Variants in ACOXL observed in about 807,000 individuals in gnomAD.
The protein encoded by ACOXL is acyl-CoA oxidase like, also known as acyl-coenzyme A oxidase-like protein.
In ACOXL, 70 loss-of-function variants were observed where a neutral mutation model predicts 71.9. That is an observed-to-expected ratio of 0.97 (90% CI 0.80 to 1.19). The LOEUF (loss-of-function observed/expected upper bound fraction) is 1.19, where lower values mean the gene tolerates loss of function less well. ACOXL is among the 50% of genes most tolerant of loss of function. The pLI, the probability that ACOXL is intolerant of heterozygous loss-of-function variation, is 0.00. For synonymous variants in ACOXL, 253 were observed against 281.6 expected, an observed-to-expected ratio of 0.90 and a Z score of 1.02; for missense variants, 703 against 736.3, an observed-to-expected ratio of 0.95 and a Z score of 0.52.
At chr2:110,802,600 C>A (rs1175259125) in intron 8 of ACOXL, among the ~76,000 whole-genome samples, 1 of 152,072 alleles carries the variant, frequency 6.6e-6, no homozygotes, top group Admixed American at 6.5e-5. Flanking sequence ...ATTGGTATGA[C>A]AAACCCCCAT....
intron 10 of ACOXL, among the ~76,000 whole-genome samples, chr2:110,847,720 C>T (rs977561233): frequency 6.6e-6 from 1 of 152,184 alleles, no homozygotes; most frequent in Non-Finnish European, 1.5e-5. Flanking sequence ...AGTCACCGGC[C>T]CCGTAAGAGG....
chr2:110,773,918 A>G (rs1682310275), intron 2 of ACOXL, among the ~76,000 whole-genome samples: 1 of 152,288 alleles, frequency 6.6e-6, no homozygotes, highest in South Asian at 2.1e-4. Flanking sequence ...GTCATCTGTG[A>G]TAGCCACAGG....
chr2:110,952,003 C>T (rs970903084), intron 12 of ACOXL, among the ~76,000 whole-genome samples: 5 of 152,138 alleles, frequency 3.3e-5, no homozygotes, highest in African/African-American at 9.7e-5. Flanking sequence ...CATTAAATGA[C>T]TTGAGGGTGT....
chr2:110,980,567 G>A (rs1013774774), intron 12 of ACOXL, among the ~76,000 whole-genome samples: 2 of 152,318 alleles, frequency 1.3e-5, no homozygotes, highest in East Asian at 3.9e-4. Flanking sequence ...TGGGCCTGTG[G>A]GCTCTGCTTC....
intron 2 of ACOXL, among the ~76,000 whole-genome samples, chr2:110,774,209 A>G (rs774948416): frequency 5.3e-5 from 8 of 152,114 alleles, no homozygotes; most frequent in African/African-American, 1.7e-4. Context: ...TGAGCCAGGC[A>G]TTGCTCAAGG....
At chr2:110,916,152 TA>T (rs2059851186) in intron 11 of ACOXL, among the ~76,000 whole-genome samples, 1 of 152,094 alleles carries the variant, frequency 6.6e-6, no homozygotes, top group African/African-American at 2.4e-5. Context: ...GTGTTAATAA[TA>T]TTTCCTTATT....
intron 12 of ACOXL, among the ~76,000 whole-genome samples, chr2:110,978,651 G>A (rs1387753418): frequency 1.3e-5 from 2 of 152,150 alleles, no homozygotes; most frequent in Non-Finnish European, 2.9e-5. Flanking sequence ...ATAGTTTAGA[G>A]TTGAACAAGA....
intron 3 of ACOXL, among the ~76,000 whole-genome samples, chr2:110,792,714 G>A (rs971725104): frequency 4.6e-5 from 7 of 152,150 alleles, no homozygotes; most frequent in Non-Finnish European, 8.8e-5. Flanking sequence ...CAGGAGGATC[G>A]CTTGAGCCTG....
At chr2:111,106,228 G>A (rs1271032665) in intron 17 of ACOXL, among the ~76,000 whole-genome samples, 2 of 151,930 alleles carry the variant, frequency 1.3e-5, no homozygotes, top group Non-Finnish European at 2.9e-5. Context: ...GTCTATTATT[G>A]AGGTTCAGTA....
At chr2:110,977,099 T>C (rs950231741) in intron 12 of ACOXL, among the ~76,000 whole-genome samples, 6 of 152,142 alleles carry the variant, frequency 3.9e-5, no homozygotes, top group African/African-American at 1.4e-4. Context: ...AAAAATATTC[T>C]CTCCCGGCTG....
At chr2:110,871,820 G>A (rs1448328835) in intron 10 of ACOXL, among the ~76,000 whole-genome samples, 1 of 152,114 alleles carries the variant, frequency 6.6e-6, no homozygotes, top group East Asian at 1.9e-4. Flanking sequence ...AGTGACCTGG[G>A]AGCAAGGGGA....
chr2:110,753,355 A>G (rs983362856), intron 1 of ACOXL, among the ~76,000 whole-genome samples: 4 of 152,172 alleles, frequency 2.6e-5, no homozygotes, highest in Admixed American at 6.5e-5. Flanking sequence ...ATGTTCCTCT[A>G]TAGCAATGCA....
chr2:110,798,770 C>T (rs1685589632), intron 6 of ACOXL, 46 bp downstream of exon 6: 2 of 1,546,462 alleles, frequency 1.3e-6, no homozygotes, highest in Non-Finnish European at 8.9e-7. Flanking sequence ...TTCATTAGTA[C>T]TATTTACCAG....
chr2:110,798,781 T>C (rs1279307781), intron 6 of ACOXL, 57 bp downstream of exon 6: 2 of 1,503,564 alleles, frequency 1.3e-6, no homozygotes, highest in African/African-American at 2.8e-5. Context: ...TATTTACCAG[T>C]GAAAAACCAT....
At chr2:111,079,103 T>G (rs1369436071) in intron 16 of ACOXL, among the ~76,000 whole-genome samples, 1 of 152,238 alleles carries the variant, frequency 6.6e-6, no homozygotes, top group Non-Finnish European at 1.5e-5. Flanking sequence ...TTTTATAAAT[T>G]TATGGAGTAC....
At chr2:110,814,523 A>G (rs1383507848) in intron 9 of ACOXL, among the ~76,000 whole-genome samples, 1 of 152,176 alleles carries the variant, frequency 6.6e-6, no homozygotes, top group Non-Finnish European at 1.5e-5. Context: ...TTCCTTAGAT[A>G]AATTTTAAAA....
At chr2:110,921,268 A>G (rs1005195438) in intron 11 of ACOXL, among the ~76,000 whole-genome samples, 12 of 146,760 alleles carry the variant, frequency 8.2e-5, no homozygotes, top group African/African-American at 2.8e-4. Context: ...TATGTGATTG[A>G]TTTTCTCTAT....
intron 10 of ACOXL, among the ~76,000 whole-genome samples, chr2:110,865,486 G>A (rs1047275895): frequency 6.6e-6 from 1 of 152,240 alleles, no homozygotes; most frequent in Non-Finnish European, 1.5e-5. Flanking sequence ...TTTCGAAGGA[G>A]TGATGAGTCA....
rs557677317 is a variant in ACOXL, at chr2:111,058,646, A to G, written c.1440+9358A>G. Among the ~76,000 whole-genome samples, 4 of 152,308 alleles carry G rather than the reference A, an allele frequency of 2.6e-5. No individual in the cohort carries two copies. In the South Asian group the frequency reaches 6.2e-4, roughly 24 times the overall value. On this transcript the variant is annotated intron_variant, in intron 16 of 17. Coordinates refer to ENST00000439055, the MANE Select transcript of ACOXL (RefSeq NM_001142807.4). ...CTAATTTCACAATGTTCAAAAGTCT[A>G]TTGGAAAAAAAGAAACCCACAAAGC... is the stretch of plus-strand genomic sequence containing the variant.
Sources: allele counts gnomAD v4.1 joint callset (sites outside exome capture counted in the v4.1 genomes callset), GRCh38; gene constraint gnomAD v4.1.1; transcripts MANE v1.5; gene names NCBI Gene and HGNC (gene_info 2026-07-23, HGNC 2026-07-21).